DDHD1: variants seen among roughly 807,000 people sequenced by gnomAD.
DDHD1 encodes the protein DDHD domain containing 1.
A neutral mutation model predicts 96.4 loss-of-function variants in DDHD1; 49 were observed. That is an observed-to-expected ratio of 0.51 (90% CI 0.40 to 0.64). The LOEUF (loss-of-function observed/expected upper bound fraction) is 0.64. Ranked by LOEUF, DDHD1 falls within the 30% of genes least tolerant of loss-of-function variation. The pLI, the probability that DDHD1 is intolerant of heterozygous loss-of-function variation, is 0.00. For synonymous variants in DDHD1, 442 were observed against 446.5 expected (o/e 0.99, Z 0.13); for missense variants, 1,106 against 1,161.2 (o/e 0.95, Z 0.69).
In DDHD1 at chr14:53,066,955, T is replaced by C. The variant is rs555034871; in HGVS notation, c.1504-3750A>G. On this transcript the variant is annotated intron_variant, in intron 6 of 12. Coordinates refer to ENST00000673822, the MANE Select transcript of DDHD1 (RefSeq NM_001160148.2). ...GCACTCCTGCCTCCGTAAGAACCTG[T>C]CTCAAAAAAAAAAAAAAAAAGTTTG... 8.2e-3 allele frequency among the ~76,000 whole-genome samples: 429 copies of C among 52,050 alleles called. 3 individuals are homozygous for C. Among genetic ancestry groups the C allele is most frequent in the African/African-American group, 0.025 (421 of 16,514 alleles). The allele number at this position is 52,050 out of a possible 152,430, so 34.1% of individuals were successfully genotyped here. A position where few individuals can be genotyped will look rare whatever the true frequency, so the allele number is the denominator to read the frequency against.
Position 53,081,813 on chromosome 14 carries a change from G to T in DDHD1, c.1290-7966C>A, listed in dbSNP as rs571421861. On this transcript the variant is annotated intron_variant, in intron 4 of 12. Transcript: ENST00000673822. Reference sequence around the variant, plus strand: ...AAATGATTAAAAACTGATCAAACAGGTATGTCTACTGAATCATTTGGAGTA... The same window carrying T: ...AAATGATTAAAAACTGATCAAACAGTTATGTCTACTGAATCATTTGGAGTA... 3.2e-4 allele frequency among the ~76,000 whole-genome samples: 49 copies of T among 151,896 alleles called. 1 individual carries two copies. The highest frequency in any genetic ancestry group is 1.9e-3 in the Admixed American group (29 of 15,254).
chr14:53,068,243 C>T (rs1323969434), intron 6 of DDHD1, among the ~76,000 whole-genome samples: 4 of 104,450 alleles, frequency 3.8e-5, no homozygotes, highest in Non-Finnish European at 5.3e-5. Flanking sequence ...CTTTATGATA[C>T]TTTTTTTTTT....
At chr14:53,115,086 A>G (rs760745834) in intron 1 of DDHD1, among the ~76,000 whole-genome samples, 1 of 152,174 alleles carries the variant, frequency 6.6e-6, no homozygotes. Flanking sequence ...CATACACAAG[A>G]ATCAATAGCC....
Position 53,054,608 on chromosome 14 carries a change from C to A in DDHD1, c.2267G>T (p.Gly756Val). ...SILGAASIGK[G>V]LGGMLFSRFG... ...TCTTGAGAACAACATTCCTCCAAGT[C>A]CCTTTCCAATGCTAGCAGCCCCTGT... The change falls in exon 11 of 13, where the codon GGA becomes GTA. Residue 756 changes from glycine to valine, a missense_variant. By Grantham distance (109) the Gly-to-Val change is moderately radical. This residue lies in a region of DDHD1 where 650 missense variants were observed against 758.8 expected (regional missense o/e 0.86). Transcript: ENST00000673822. 6.2e-7 allele frequency: 1 copy of A among 1,613,974 alleles called. No homozygotes were observed. The highest frequency in any genetic ancestry group is 8.5e-7 in the Non-Finnish European group (1 of 1,179,878).
chr14:53,059,281 G>A (rs1566524414), intron 8 of DDHD1, among the ~76,000 whole-genome samples: 1 of 151,956 alleles, frequency 6.6e-6, no homozygotes, highest in Non-Finnish European at 1.5e-5. Flanking sequence ...GTCTCGCTCT[G>A]TCACCCAGGC....
intron 1 of DDHD1, among the ~76,000 whole-genome samples, chr14:53,134,597 T>TA (rs35451633): frequency 0.22 from 28,364 of 127,882 alleles, 3,327 homozygotes; most frequent in South Asian, 0.34. Context: ...TACTCACTGC[T>TA]AAAAAAAAAA....
rs150221441 is a variant in DDHD1 at position 53,100,263 on chromosome 14, C to A, written c.1012+3420G>T. On this transcript the variant is annotated intron_variant, in intron 2 of 12. Coordinates refer to ENST00000673822, the MANE Select transcript of DDHD1 (RefSeq NM_001160148.2). ...GGCTGAAGCAGGAGGAACACTTGAG[C>A]CCAGGAGTTCAAGACCAGCCTGGGC... 9.2e-5 allele frequency among the ~76,000 whole-genome samples: 14 copies of A among 151,944 alleles called. 1 individual carries two copies. The East Asian group carries it at 2.7e-3, about 29-fold the overall frequency.
intron 1 of DDHD1, among the ~76,000 whole-genome samples, chr14:53,133,516 G>A (rs975616062): frequency 1.3e-5 from 2 of 152,150 alleles, no homozygotes; most frequent in African/African-American, 2.4e-5. Flanking sequence ...CAATCCTCAG[G>A]AAAGGTAGAA....
intron 12 of DDHD1, among the ~76,000 whole-genome samples, chr14:53,047,664 A>G (rs1882141134): frequency 6.6e-6 from 1 of 152,220 alleles, no homozygotes; most frequent in Non-Finnish European, 1.5e-5. Flanking sequence ...TGCTTATAAC[A>G]GTGCTGTCCA....
In DDHD1 at chr14:53,070,572, A is replaced by G. The variant is rs558736759; in HGVS notation, c.1503+2025T>C. ...ACTGTTTTTTCCTTTTTTCATTCTC[A>G]AGAACATAAAAATATTGGGGAGAAA... On this transcript the variant is annotated intron_variant, in intron 6 of 12. Transcript: ENST00000673822. 3.9e-5 allele frequency among the ~76,000 whole-genome samples: 6 copies of G among 152,278 alleles called. No homozygotes were observed. In the South Asian group the frequency reaches 1.2e-3, roughly 32 times the overall value.
At chr14:53,119,509 A>G (rs1888819868) in intron 1 of DDHD1, among the ~76,000 whole-genome samples, 1 of 152,192 alleles carries the variant, frequency 6.6e-6, no homozygotes, top group Non-Finnish European at 1.5e-5. Flanking sequence ...AAAGAAGAAA[A>G]TTTTAGGCTA....
chr14:53,082,023 T>C (rs544645837), intron 4 of DDHD1, among the ~76,000 whole-genome samples: 2 of 152,166 alleles, frequency 1.3e-5, no homozygotes, highest in Non-Finnish European at 2.9e-5. Flanking sequence ...GTAAAATCTA[T>C]TTCTTAAATA....
At chr14:53,113,342 TC>T (rs1168722728) in intron 1 of DDHD1, among the ~76,000 whole-genome samples, 1 of 149,798 alleles carries the variant, frequency 6.7e-6, no homozygotes, top group Non-Finnish European at 1.5e-5. Context: ...TTCTATATTT[TC>T]TTTTTCTTTT....
At chr14:53,091,967 A>T in intron 3 of DDHD1, 35 bp from the exon 4 acceptor site, 2 of 1,562,066 alleles carry the variant, frequency 1.3e-6, no homozygotes, top group Non-Finnish European at 8.7e-7. Flanking sequence ...TTTACTATTT[A>T]ATCTGAGAAA....
Position 53,091,810 on chromosome 14 carries a change from C to G in DDHD1, c.1264G>C (p.Gly422Arg). The G allele has an allele frequency of 6.2e-7, 1 of 1,613,150 alleles. No homozygotes were observed. The highest frequency in any genetic ancestry group is 8.5e-7 in the Non-Finnish European group (1 of 1,179,568). ...ATAGCTGTATTTTTGATAATTCTTC[C>G]TTGGTCCATTTTCTGCCCAATGCCA... is the stretch of plus-strand genomic sequence containing the variant. ...VHGIGQKMDQGRIIKNTAMMR... is the reference protein window; with the variant it reads ...VHGIGQKMDQRRIIKNTAMMR... Residue 422 changes from glycine (G) to arginine (R), a missense_variant, in exon 4 of 13, where the codon GGA becomes CGA. Gly to Arg is a moderately radical substitution (Grantham distance 125). Transcript: ENST00000673822.
chr14:53,138,516 A>G (rs1337686630), intron 1 of DDHD1, among the ~76,000 whole-genome samples: 1 of 152,252 alleles, frequency 6.6e-6, no homozygotes, highest in African/African-American at 2.4e-5. Flanking sequence ...GAAATGTATG[A>G]CAATGGCAAA....
chr14:53,059,900 T>C (rs894518028), intron 8 of DDHD1, among the ~76,000 whole-genome samples: 3 of 144,572 alleles, frequency 2.1e-5, no homozygotes, highest in Non-Finnish European at 4.5e-5. Context: ...GTAATGATAG[T>C]AGAGATGAAA....
chr14:53,059,278 T>C (rs1566524398), intron 8 of DDHD1, among the ~76,000 whole-genome samples: 1 of 152,052 alleles, frequency 6.6e-6, no homozygotes, highest in Admixed American at 6.5e-5. Flanking sequence ...CGAGTCTCGC[T>C]CTGTCACCCA....
rs1230178336 is a variant in DDHD1 at position 53,040,008 on chromosome 14, C to A, written c.*6760G>T. The A allele has an allele frequency of 2.6e-5, 4 of 152,188 alleles. No individual in the cohort carries two copies. Among genetic ancestry groups the A allele is most frequent in the Admixed American group, 2.6e-4 (4 of 15,276 alleles). The allele number at this position is 152,188 out of a possible 1,614,324, so 9.4% of individuals were successfully genotyped here. On this transcript the variant is annotated 3_prime_UTR_variant, in exon 13 of 13. Coordinates refer to ENST00000673822, the MANE Select transcript of DDHD1 (RefSeq NM_001160148.2). ...ACGTATTTCTCATCTAAGGTCAGCA[C>A]CACCTCACGGAATTGCACTGAAATT...
Sources: gnomAD v4.1 joint callset for allele counts (sites outside exome capture counted in the v4.1 genomes callset) on GRCh38, gnomAD v4.1.1 for gene constraint, gnomAD v4.1.1 regional missense constraint, MANE v1.5 for transcripts, NCBI Gene and HGNC (gene_info 2026-07-23, HGNC 2026-07-21) for gene names.